The following CNTN4 variants were observed in gnomAD, a reference collection of about 807,000 sequenced individuals.
CNTN4 encodes the protein contactin 4.
In CNTN4, 77 loss-of-function variants were observed where a neutral mutation model predicts 122.5. The observed-to-expected ratio is 0.63, with a 90% confidence interval of 0.52 to 0.76. The LOEUF (loss-of-function observed/expected upper bound fraction) is 0.76, where lower values mean the gene tolerates loss of function less well. Among genes scored for constraint, CNTN4 ranks in the 30% least tolerant of loss-of-function variants. CNTN4 has a pLI of 0.00. For synonymous variants in CNTN4, 512 were observed against 447.0 expected, an observed-to-expected ratio of 1.15 and a Z score of -1.83; for missense variants, 1,256 against 1,259.1, an observed-to-expected ratio of 1.00 and a Z score of 0.04.
intron 4 of CNTN4, among the ~76,000 whole-genome samples, chr3:2,603,115 C>CA (rs11329361): frequency 6.6e-6 from 1 of 150,934 alleles, no homozygotes; most frequent in Non-Finnish European, 1.5e-5. Context: ...AATTTTCTGC[C>CA]AAAAAAAAAA....
At chr3:3,039,185 T>C in intron 19 of CNTN4, 182 bp downstream of exon 19, 1 of 617,984 alleles carries the variant, frequency 1.6e-6, no homozygotes. Flanking sequence ...TGCCCATCCA[T>C]TGTTGAGGCA....
Position 3,057,634 on chromosome 3 carries a change from A to G in CNTN4, c.*1414A>G, listed in dbSNP as rs1701894336. The G allele has an allele frequency of 6.6e-6, 1 of 152,654 alleles. No homozygotes were observed. The highest frequency in any genetic ancestry group is 6.5e-5 in the Admixed American group (1 of 15,286). The allele number at this position is 152,654 out of a possible 1,614,324, so 9.5% of individuals were successfully genotyped here. ...TATAGTTTGTCATTTTTGCTTACAAATAATATAACTTTTCAACCTTCTAGT... is the reference window on the plus strand; with the variant it reads ...TATAGTTTGTCATTTTTGCTTACAAGTAATATAACTTTTCAACCTTCTAGT... On this transcript the variant is annotated 3_prime_UTR_variant, in exon 25 of 25. Coordinates refer to ENST00000418658, the MANE Select transcript of CNTN4 (RefSeq NM_175607.3).
At chr3:2,168,966 TC>T (rs2036321556) in intron 2 of CNTN4, among the ~76,000 whole-genome samples, 1 of 152,214 alleles carries the variant, frequency 6.6e-6, no homozygotes, top group African/African-American at 2.4e-5. Flanking sequence ...TCAGATGGCT[TC>T]CTAGTTAAGT....
intron 6 of CNTN4, among the ~76,000 whole-genome samples, chr3:2,748,484 A>G (rs373918710): frequency 2.5e-4 from 38 of 152,226 alleles, no homozygotes; most frequent in African/African-American, 8.7e-4. Flanking sequence ...TGATAAGCAT[A>G]TCTCCATTCA....
chr3:2,098,996 T>TGTGCGG lies in CNTN4; in HGVS notation c.-227+21_-227+26dup, dbSNP rs2031639535. ...GTGCTGAGGTAAGTGAGGCGGCAGC[T>TGTGCGG]GTGCGGGTCCGGCTCCTGCGTGGGC... On this transcript the variant is annotated intron_variant, in intron 1 of 24. Transcript: ENST00000418658. 6.6e-6 allele frequency: 1 copy of TGTGCGG among 152,326 alleles called. No homozygotes were observed. Among genetic ancestry groups the TGTGCGG allele is most frequent in the South Asian group, 2.1e-4 (1 of 4,834 alleles). 9.4% of individuals were successfully genotyped at this position (152,326 alleles called of 1,614,324 possible). A position where few individuals can be genotyped will look rare whatever the true frequency, so the allele number is the denominator to read the frequency against.
intron 2 of CNTN4, among the ~76,000 whole-genome samples, chr3:2,272,121 T>C (rs1443171581): frequency 6.6e-6 from 1 of 151,214 alleles, no homozygotes; most frequent in Non-Finnish European, 1.5e-5. Context: ...TTCTAATGAG[T>C]ACTTTCTTGA....
intron 4 of CNTN4, among the ~76,000 whole-genome samples, chr3:2,634,873 T>TA (rs1226589900): frequency 6.6e-6 from 1 of 151,260 alleles, no homozygotes; most frequent in Non-Finnish European, 1.5e-5. Context: ...AACAATAAAA[T>TA]AAAAAATTCT....
At chr3:2,639,988 A>G (rs1322704335) in intron 4 of CNTN4, among the ~76,000 whole-genome samples, 1 of 152,240 alleles carries the variant, frequency 6.6e-6, no homozygotes, top group Non-Finnish European at 1.5e-5. Flanking sequence ...GTTTTAAAGA[A>G]TTTAGTTAAT....
chr3:2,227,622 A>C (rs1167621672), intron 2 of CNTN4, among the ~76,000 whole-genome samples: 2 of 152,158 alleles, frequency 1.3e-5, no homozygotes, highest in Non-Finnish European at 2.9e-5. Flanking sequence ...ATGGATTGGG[A>C]GTCTGTGGGT....
chr3:2,758,408 T>A (rs375843183), intron 6 of CNTN4, among the ~76,000 whole-genome samples: 29 of 152,180 alleles, frequency 1.9e-4, no homozygotes, highest in African/African-American at 6.8e-4. Context: ...AAATAGAATA[T>A]TCTATTAGGA....
intron 13 of CNTN4, among the ~76,000 whole-genome samples, chr3:2,937,841 G>C (rs1454643466): frequency 2.0e-5 from 3 of 152,144 alleles, no homozygotes; most frequent in African/African-American, 4.8e-5. Flanking sequence ...TCCACAGAGA[G>C]AGGAAGAGAG....
intron 4 of CNTN4, 38 bp from the exon 5 acceptor site, chr3:2,736,177 G>C: frequency 6.2e-7 from 1 of 1,603,966 alleles, no homozygotes; most frequent in Non-Finnish European, 8.5e-7. Context: ...TATTTGGAAG[G>C]GATTCTTCAT....
intron 10 of CNTN4, among the ~76,000 whole-genome samples, chr3:2,895,447 T>C (rs141604188): frequency 1.8e-3 from 273 of 152,362 alleles, no homozygotes; most frequent in African/African-American, 6.2e-3. Context: ...GAATACCTAT[T>C]AATAGAAATA....
intron 12 of CNTN4, among the ~76,000 whole-genome samples, chr3:2,914,314 T>G (rs1474641952): frequency 6.6e-6 from 1 of 151,592 alleles, no homozygotes; most frequent in Non-Finnish European, 1.5e-5. Context: ...AGAGCAGAGA[T>G]AAAGGAAATA....
chr3:2,656,293 A>G (rs560485373), intron 4 of CNTN4, among the ~76,000 whole-genome samples: 17 of 152,356 alleles, frequency 1.1e-4, no homozygotes, highest in African/African-American at 4.1e-4. Context: ...ATTCAAATGG[A>G]TAAGAAGGTA....
At chr3:2,416,405 A>G (rs886264351) in intron 3 of CNTN4, among the ~76,000 whole-genome samples, 2 of 152,218 alleles carry the variant, frequency 1.3e-5, no homozygotes, top group African/African-American at 4.8e-5. Context: ...GTTATATAAC[A>G]TATGTAAAAT....
intron 2 of CNTN4, among the ~76,000 whole-genome samples, chr3:2,141,841 C>A (rs1171318879): frequency 6.6e-6 from 1 of 152,048 alleles, no homozygotes; most frequent in Non-Finnish European, 1.5e-5. Context: ...ATGATTGCCT[C>A]CAAAATGTTT....
At chr3:2,673,457 C>G (rs1056638689) in intron 4 of CNTN4, among the ~76,000 whole-genome samples, 2 of 152,162 alleles carry the variant, frequency 1.3e-5, no homozygotes, top group Non-Finnish European at 2.9e-5. Flanking sequence ...TCTTACTTCC[C>G]TATCCCCTTA....
intron 3 of CNTN4, among the ~76,000 whole-genome samples, chr3:2,395,615 A>G (rs1331288895): frequency 1.3e-5 from 2 of 151,990 alleles, no homozygotes; most frequent in Admixed American, 6.6e-5. Flanking sequence ...TCTCCTCTCT[A>G]GTAGTTCCAG....
Sources: gnomAD v4.1 joint callset for allele counts (sites outside exome capture counted in the v4.1 genomes callset) on GRCh38, gnomAD v4.1.1 for gene constraint, MANE v1.5 for transcripts, NCBI Gene and HGNC (gene_info 2026-07-23, HGNC 2026-07-21) for gene names.